HGS: variants seen among roughly 807,000 people sequenced by gnomAD.
HGS encodes the protein hepatocyte growth factor-regulated tyrosine kinase substrate, also known as human growth factor-regulated tyrosine kinase substrate.
Under a neutral mutation model 109.7 loss-of-function variants are expected in HGS, and 63 were observed. The ratio of observed to expected loss-of-function variants is 0.57; its 90% CI spans 0.47 to 0.71. The LOEUF is 0.71. Ranked by LOEUF, HGS falls within the 30% of genes least tolerant of loss-of-function variation. The pLI, the probability that HGS is intolerant of heterozygous loss-of-function variation, is 0.00. For synonymous variants in HGS, 546 were observed against 437.3 expected (o/e 1.25, Z -3.10); for missense variants, 995 against 1,068.3 (o/e 0.93, Z 0.96).
chr17:81,700,856 A>G, intron 20 of HGS, 42 bp downstream of exon 20: 1 of 1,591,402 alleles, frequency 6.3e-7, no homozygotes, highest in Non-Finnish European at 8.6e-7. Flanking sequence ...AGGGTGGGGG[A>G]GCAGTTGATG....
intron 18 of HGS, chr17:81,697,749 A>C (rs1598750107): frequency 1.3e-5 from 2 of 151,912 alleles, no homozygotes; most frequent in African/African-American, 4.8e-5. Flanking sequence ...TTGTCTTTCC[A>C]CTGGCGGGAG....
Position 81,686,398 on chromosome 17 carries a change from C to T in HGS, c.198+11C>T, listed in dbSNP as rs757357901. On this transcript the variant is annotated intron_variant, in intron 3 of 21. Coordinates refer to ENST00000329138, the MANE Select transcript of HGS (RefSeq NM_004712.5). ...TTGTATGCCCTGGAGGTAAGCAGAC[C>T]CCCGTGCCTCAGTGGCCCCCAGGGT... is the stretch of plus-strand genomic sequence containing the variant. The T allele has an allele frequency of 6.2e-7, 1 of 1,610,952 alleles. No homozygotes were observed. The highest frequency in any genetic ancestry group is 8.5e-7 in the Non-Finnish European group (1 of 1,177,716).
intron 21 of HGS, 38 bp from the exon 22 acceptor site, chr17:81,701,470 G>A (rs1323307811): frequency 6.6e-7 from 1 of 1,523,940 alleles, no homozygotes; most frequent in East Asian, 2.5e-5. Flanking sequence ...GGCTGGGGAA[G>A]GGAGGACCAG....
intron 10 of HGS, 43 bp downstream of exon 10, chr17:81,693,795 C>T (rs371286627): frequency 1.4e-5 from 22 of 1,546,808 alleles, no homozygotes; most frequent in African/African-American, 1.4e-4. Context: ...GGGCCCAGCT[C>T]CCCTGGATGT....
intron 2 of HGS, 91 bp downstream of exon 2, chr17:81,685,780 C>T: frequency 1.1e-6 from 1 of 925,026 alleles, no homozygotes; most frequent in Non-Finnish European, 1.7e-6. Context: ...CACGACGTAG[C>T]TGACCGTGTT....
rs1363518202 is a variant in HGS at position 81,691,710 on chromosome 17, A to G, written c.662+139A>G. On this transcript the variant is annotated intron_variant, in intron 8 of 21. Transcript: ENST00000329138. The surrounding 1 kb of genome is among the most constrained non-coding windows in gnomAD (Gnocchi z 5.3). ...CACAGCAGCTGGAAGGTCAAGGGAA[A>G]CCCAGGGTGGCCGCATGCCCTCGGA... is the stretch of plus-strand genomic sequence containing the variant. The G allele has an allele frequency of 8.6e-7, 1 of 1,167,846 alleles. No homozygotes were observed. Among genetic ancestry groups the G allele is most frequent in the Non-Finnish European group, 1.2e-6 (1 of 818,428 alleles). 72.3% of individuals were successfully genotyped at this position (1,167,846 alleles called of 1,614,324 possible).
At position 81,694,880 on chromosome 17, in the gene HGS, C is replaced by G. The variant is rs765190465; in HGVS notation, c.975+27C>G. The G allele has an allele frequency of 1.5e-5, 24 of 1,614,080 alleles. 1 individual carries two copies. The South Asian group carries it at 1.8e-4, about 12-fold the overall frequency. On this transcript the variant is annotated intron_variant, in intron 12 of 21. Coordinates refer to ENST00000329138, the MANE Select transcript of HGS (RefSeq NM_004712.5). Reference sequence around the variant, plus strand: ...TAAGGCCCAGCATGGGGTGCATCCTCTCACGGTTTCTGGCCTTGGGAGTGA... The same window carrying G: ...TAAGGCCCAGCATGGGGTGCATCCTGTCACGGTTTCTGGCCTTGGGAGTGA...
chr17:81,689,116 C>T (rs2037026850), intron 5 of HGS, among the ~76,000 whole-genome samples: 1 of 152,174 alleles, frequency 6.6e-6, no homozygotes, highest in South Asian at 2.1e-4. Flanking sequence ...CTCCTGGGGG[C>T]CGGGTTGGGC....
intron 18 of HGS, chr17:81,697,473 G>C (rs1392295709): frequency 6.5e-6 from 1 of 153,558 alleles, no homozygotes; most frequent in Non-Finnish European, 1.4e-5. Flanking sequence ...GGTTTGTCTG[G>C]TGTCTCCACG....
At chr17:81,686,482 C>T (rs2036981699) in intron 3 of HGS, 95 bp downstream of exon 3, 2 of 847,948 alleles carry the variant, frequency 2.4e-6, no homozygotes, top group Non-Finnish European at 3.9e-6. Context: ...CCTTGCCCAC[C>T]TCCCTGGGCA....
chr17:81,694,907 C>T lies in HGS; in HGVS notation c.976-17C>T. On this transcript the variant is annotated splice_polypyrimidine_tract_variant and intron_variant, in intron 12 of 21. Transcript: ENST00000329138. ...CACGGTTTCTGGCCTTGGGAGTGAC[C>T]CCCTCATTGCCTGCAGCTCGCACGG... 6.2e-7 allele frequency: 1 copy of T among 1,614,210 alleles called. No individual in the cohort carries two copies. Among genetic ancestry groups the T allele is most frequent in the Non-Finnish European group, 8.5e-7 (1 of 1,180,036 alleles).
chr17:81,700,670 C>G, intron 19 of HGS, 25 bp from the exon 20 acceptor site: 1 of 1,495,946 alleles, frequency 6.7e-7, no homozygotes, highest in Non-Finnish European at 9.2e-7. Flanking sequence ...AGCCCCTTCT[C>G]CCATGGCACT....
chr17:81,694,606 C>T (rs531277694), intron 11 of HGS, among the ~76,000 whole-genome samples: 2 of 152,176 alleles, frequency 1.3e-5, no homozygotes, highest in African/African-American at 2.4e-5. Context: ...CCTTGTAGGA[C>T]GGCAGTGCTG....
chr17:81,687,424 C>T (rs1270909560), intron 4 of HGS, among the ~76,000 whole-genome samples: 1 of 152,160 alleles, frequency 6.6e-6, no homozygotes, highest in East Asian at 1.9e-4. Flanking sequence ...GTAGATGCCA[C>T]TGGGTGGGCA....
intron 6 of HGS, 28 bp downstream of exon 6, chr17:81,690,262 T>C (rs1257370854): frequency 6.2e-7 from 1 of 1,612,322 alleles, no homozygotes; most frequent in South Asian, 1.1e-5. Context: ...CCAGGGGTTC[T>C]GGAGTCGGGC....
chr17:81,699,878 C>T (rs572045816), intron 18 of HGS, among the ~76,000 whole-genome samples: 161 of 138,962 alleles, frequency 1.2e-3, no homozygotes, highest in African/African-American at 4.2e-3. Flanking sequence ...AGTTTGACAC[C>T]AGCCTGACCA....
chr17:81,684,997 T>C (rs752009085), intron 1 of HGS: 59 of 985,294 alleles, frequency 6.0e-5, no homozygotes, highest in Non-Finnish European at 7.0e-5. Context: ...GGAAAGGCGA[T>C]GTGGGCAGAG....
Position 81,701,860 on chromosome 17 carries a change from G to C in HGS, c.*242G>C. On this transcript the variant is annotated 3_prime_UTR_variant, in exon 22 of 22. Transcript: ENST00000329138. Reference sequence around the variant, plus strand: ...GGGGAGGGAAGGACTTTCTCCCAGGGGAAGCCCCCAGCCCTGTGGGTCATG... The same window carrying C: ...GGGGAGGGAAGGACTTTCTCCCAGGCGAAGCCCCCAGCCCTGTGGGTCATG... The C allele has an allele frequency of 1.9e-6, 1 of 515,314 alleles. No homozygotes were observed. Among genetic ancestry groups the C allele is most frequent in the East Asian group, 3.7e-5 (1 of 26,926 alleles). The allele number at this position is 515,314 out of a possible 1,614,324, so 31.9% of individuals were successfully genotyped here. A position where few individuals can be genotyped will look rare whatever the true frequency, so the allele number is the denominator to read the frequency against.
At position 81,696,621 on chromosome 17, in the gene HGS, G is replaced by A. The variant is rs1213316125; in HGVS notation, c.1581G>A (p.Val527=). Residue 527 remains valine, a synonymous_variant, in exon 17 of 22, where the codon GTG becomes GTA. Transcript: ENST00000329138. The stretch of plus-strand genomic sequence containing the variant: ...TTGCCGCACAGGAGTACCTGGAGGT[G>A]CAGAGGCAGCTGGCCATCCAGCGCC... ...MRQKKQEYLE[V]QRQLAIQRLQ... 3 of 1,608,768 alleles carry A rather than the reference G, an allele frequency of 1.9e-6. No homozygotes were observed. The highest frequency in any genetic ancestry group is 2.5e-6 in the Non-Finnish European group (3 of 1,177,928).
Sources: allele counts gnomAD v4.1 joint callset (sites outside exome capture counted in the v4.1 genomes callset), GRCh38; gene constraint gnomAD v4.1.1; non-coding constraint Gnocchi (gnomAD v3.1); transcripts MANE v1.5; gene names NCBI Gene and HGNC (gene_info 2026-07-23, HGNC 2026-07-21).